GLRA3: variants seen among roughly 807,000 people sequenced by gnomAD.
The protein encoded by GLRA3 is glycine receptor alpha 3, also known as glycine receptor subunit alpha-3.
A neutral mutation model predicts 60.4 loss-of-function variants in GLRA3; 44 were observed. That is an observed-to-expected ratio of 0.73 (90% CI 0.57 to 0.94). The LOEUF (loss-of-function observed/expected upper bound fraction) is 0.94, where lower values mean the gene tolerates loss of function less well. Ranked by LOEUF, GLRA3 falls within the 40% of genes least tolerant of loss-of-function variation. The pLI is 0.00. For missense variants in GLRA3, 508 were observed against 564.6 expected, an observed-to-expected ratio of 0.90 and a Z score of 1.02; for synonymous variants, 223 against 192.9, an observed-to-expected ratio of 1.16 and a Z score of -1.29.
chr4:174,737,052 T>C (rs1220448383), intron 3 of GLRA3, among the ~76,000 whole-genome samples: 1 of 152,210 alleles, frequency 6.6e-6, no homozygotes, highest in African/African-American at 2.4e-5. Flanking sequence ...CATCTGACAC[T>C]GTCAGGGTTT....
At chr4:174,710,761 G>T (rs1735689625) in intron 5 of GLRA3, among the ~76,000 whole-genome samples, 1 of 151,504 alleles carries the variant, frequency 6.6e-6, no homozygotes, top group Non-Finnish European at 1.5e-5. Context: ...TCTTCATTCT[G>T]TATTTTTGAT....
At chr4:174,732,779 A>C (rs3059133) in intron 3 of GLRA3, among the ~76,000 whole-genome samples, 31,673 of 134,864 alleles carry the variant, frequency 0.23, 3,293 homozygotes, top group South Asian at 0.29. Context: ...CTCTCTCTCT[A>C]TATATATATA....
intron 1 of GLRA3, among the ~76,000 whole-genome samples, chr4:174,822,647 A>G (rs889232111): frequency 6.6e-6 from 1 of 152,166 alleles, no homozygotes. Flanking sequence ...CAATCATTCT[A>G]TGTTGGCAAT....
intron 8 of GLRA3, among the ~76,000 whole-genome samples, chr4:174,657,898 C>T (rs560100424): frequency 2.0e-5 from 3 of 152,050 alleles, no homozygotes; most frequent in South Asian, 2.1e-4. Context: ...GTTCTTTCCA[C>T]GTAGCTGTTA....
intron 3 of GLRA3, among the ~76,000 whole-genome samples, chr4:174,764,824 C>T (rs1330582421): frequency 6.6e-6 from 1 of 151,872 alleles, no homozygotes; most frequent in Non-Finnish European, 1.5e-5. Flanking sequence ...TATAGATGAA[C>T]ATCAAAATCA....
At chr4:174,772,348 G>C (rs776344385) in intron 2 of GLRA3, among the ~76,000 whole-genome samples, 1 of 152,094 alleles carries the variant, frequency 6.6e-6, no homozygotes, top group Non-Finnish European at 1.5e-5. Flanking sequence ...TCACGTGCAA[G>C]TAAAGTAACT....
At chr4:174,673,665 A>G (rs1452608822) in intron 7 of GLRA3, among the ~76,000 whole-genome samples, 1 of 152,162 alleles carries the variant, frequency 6.6e-6, no homozygotes, top group Non-Finnish European at 1.5e-5. Context: ...TTCTTCCACT[A>G]GAAAAATCAC....
chr4:174,808,617 A>G (rs1022410877), intron 1 of GLRA3, among the ~76,000 whole-genome samples: 1 of 152,150 alleles, frequency 6.6e-6, no homozygotes, highest in Non-Finnish European at 1.5e-5. Flanking sequence ...TTCAGGAGGT[A>G]TTCCAGAAGA....
chr4:174,654,883 G>A (rs1240600969), intron 9 of GLRA3, among the ~76,000 whole-genome samples: 1 of 152,022 alleles, frequency 6.6e-6, no homozygotes, highest in African/African-American at 2.4e-5. Flanking sequence ...AGTGTGGGGT[G>A]GGGAAATTTG....
intron 4 of GLRA3, among the ~76,000 whole-genome samples, chr4:174,721,372 T>A (rs1043512218): frequency 3.3e-5 from 5 of 152,088 alleles, no homozygotes; most frequent in African/African-American, 1.2e-4. Flanking sequence ...GTTTACATGT[T>A]ATAAATATGT....
At chr4:174,698,346 T>A (rs1276281527) in intron 5 of GLRA3, among the ~76,000 whole-genome samples, 1 of 152,054 alleles carries the variant, frequency 6.6e-6, no homozygotes, top group African/African-American at 2.4e-5. Flanking sequence ...GCCCAGCTAC[T>A]TTTTTGGGTT....
At chr4:174,804,709 G>T (rs1739963787) in intron 1 of GLRA3, among the ~76,000 whole-genome samples, 1 of 152,130 alleles carries the variant, frequency 6.6e-6, no homozygotes, top group Non-Finnish European at 1.5e-5. Context: ...GAAAGCAAGA[G>T]AATAGCTCTC....
chr4:174,792,895 T>C (rs1161867177), intron 1 of GLRA3, among the ~76,000 whole-genome samples: 1 of 152,154 alleles, frequency 6.6e-6, no homozygotes, highest in Admixed American at 6.5e-5. Context: ...GGCTGCCAGG[T>C]TGTGGACTTT....
chr4:174,688,782 A>G lies in GLRA3; in HGVS notation c.575-5843T>C, dbSNP rs1166377918. On this transcript the variant is annotated intron_variant, in intron 5 of 9. Transcript: ENST00000274093. Reference sequence around the variant, plus strand: ...AGATTTAAGTTAAGAATCACTATCTACATATACTAATTAAAATTATTGATT... The same window carrying G: ...AGATTTAAGTTAAGAATCACTATCTGCATATACTAATTAAAATTATTGATT... Among the ~76,000 whole-genome samples the G allele has an allele frequency of 2.6e-5, 4 of 152,258 alleles. No homozygotes were observed. In the East Asian group the frequency reaches 7.7e-4, roughly 29 times the overall value.
At chr4:174,712,466 A>C (rs554431614) in intron 5 of GLRA3, 1 of 152,142 alleles carries the variant, frequency 6.6e-6, no homozygotes, top group African/African-American at 2.4e-5. Flanking sequence ...ATATTTTTCA[A>C]TTGATGCCTA....
At chr4:174,719,024 G>A (rs887974975) in intron 4 of GLRA3, among the ~76,000 whole-genome samples, 6 of 146,134 alleles carry the variant, frequency 4.1e-5, no homozygotes, top group African/African-American at 1.5e-4. Context: ...GTGCAGTGGC[G>A]CAATCTCGGC....
chr4:174,698,245 GCAGTGAAGCAAT>G (rs1735141507), intron 5 of GLRA3, among the ~76,000 whole-genome samples: 2 of 152,232 alleles, frequency 1.3e-5, no homozygotes, highest in South Asian at 2.1e-4. Context: ...AGGCTGGAGT[GCAGTGAAGCAAT>G]CACAGCTCAC....
intron 2 of GLRA3, among the ~76,000 whole-genome samples, chr4:174,777,365 A>T (rs1487984333): frequency 6.6e-6 from 1 of 152,232 alleles, no homozygotes; most frequent in Non-Finnish European, 1.5e-5. Flanking sequence ...GATGAAAAGA[A>T]ATGAGCTATC....
intron 4 of GLRA3, among the ~76,000 whole-genome samples, chr4:174,718,434 A>G (rs998127310): frequency 6.6e-6 from 1 of 152,226 alleles, no homozygotes; most frequent in Non-Finnish European, 1.5e-5. Flanking sequence ...CTTGGGAAAG[A>G]CTTTTAACAT....
Sources: allele counts gnomAD v4.1 joint callset (sites outside exome capture counted in the v4.1 genomes callset), GRCh38; gene constraint gnomAD v4.1.1; transcripts MANE v1.5; gene names NCBI Gene and HGNC (gene_info 2026-07-23, HGNC 2026-07-21).